Variants in GRAP2 observed in about 807,000 individuals in gnomAD.
GRAP2 encodes the protein GRB2 related adaptor protein 2, also known as GRB2-related adapter protein 2.
GRAP2 carries 31 observed loss-of-function variants against 43.5 expected under a neutral mutation model. The ratio of observed to expected loss-of-function variants is 0.71; its 90% CI spans 0.54 to 0.96. GRAP2 has a LOEUF of 0.96. Ranked by LOEUF, GRAP2 falls within the 40% of genes least tolerant of loss-of-function variation. The probability of loss-of-function intolerance (pLI) is 0.00; values close to 1 mark genes in which losing one functional copy is unlikely to be tolerated. For missense variants in GRAP2, 371 were observed against 424.4 expected (o/e 0.87, Z 1.11); for synonymous variants, 156 against 164.8 (o/e 0.95, Z 0.41).
intron 1 of GRAP2, among the ~76,000 whole-genome samples, chr22:39,920,913 C>CA (rs1207294155): frequency 3.4e-5 from 5 of 148,754 alleles, no homozygotes; most frequent in African/African-American, 1.2e-4. Flanking sequence ...ATAAAGAATA[C>CA]AAAAAATGGG....
Position 39,906,162 on chromosome 22 carries a change from G to T in GRAP2, c.-15+4832G>T, listed in dbSNP as rs376772460. ...ACCTCAGAGCCTCGGGGTGGAAGAT[G>T]ATATTTTGATATAATCAGGAGGGAG... On this transcript the variant is annotated intron_variant, in intron 1 of 7. Coordinates refer to ENST00000344138, the MANE Select transcript of GRAP2 (RefSeq NM_004810.4). 2.6e-5 allele frequency among the ~76,000 whole-genome samples: 4 copies of T among 152,230 alleles called. No homozygotes were observed. The East Asian group carries it at 7.7e-4, about 29-fold the overall frequency.
At chr22:39,921,590 A>G (rs2066652900) in intron 1 of GRAP2, among the ~76,000 whole-genome samples, 1 of 152,166 alleles carries the variant, frequency 6.6e-6, no homozygotes, top group African/African-American at 2.4e-5. Flanking sequence ...TTTATTAAAA[A>G]CCATTATTAA....
upstream of GRAP2, among the ~76,000 whole-genome samples, chr22:39,899,000 G>A (rs1445387194): frequency 6.6e-6 from 1 of 152,120 alleles, no homozygotes; most frequent in Non-Finnish European, 1.5e-5. Context: ...ATTTTTCTGA[G>A]TATCTCATGA....
chr22:39,964,515 C>T (rs905911614), intron 4 of GRAP2: 117 of 971,252 alleles, frequency 1.2e-4, no homozygotes, highest in Middle Eastern at 3.1e-4. Context: ...AAGCGAAGGT[C>T]GTGGGGAAGG....
intron 1 of GRAP2, among the ~76,000 whole-genome samples, chr22:39,923,485 A>G (rs1009253909): frequency 1.7e-4 from 26 of 152,214 alleles, no homozygotes; most frequent in Non-Finnish European, 7.3e-5. Flanking sequence ...CTAGCATAGT[A>G]TATATCTACG....
chr22:39,909,038 C>T (rs1205532314), intron 1 of GRAP2, among the ~76,000 whole-genome samples: 1 of 152,174 alleles, frequency 6.6e-6, no homozygotes, highest in Non-Finnish European at 1.5e-5. Context: ...ACCCACTATA[C>T]AAGAGACTTT....
At chr22:39,944,513 AT>A (rs1437035241) in intron 1 of GRAP2, among the ~76,000 whole-genome samples, 1 of 152,174 alleles carries the variant, frequency 6.6e-6, no homozygotes, top group Non-Finnish European at 1.5e-5. Flanking sequence ...TTTCAAAGCG[AT>A]TTTATAAAGA....
intron 2 of GRAP2, 151 bp from the exon 3 acceptor site, chr22:39,955,668 G>A (rs749931172): frequency 2.8e-5 from 15 of 531,158 alleles, no homozygotes; most frequent in Non-Finnish European, 4.5e-5. Flanking sequence ...ACAGGCCTGG[G>A]GTAAATCCTA....
At chr22:39,949,749 C>T (rs888397280) in intron 2 of GRAP2, among the ~76,000 whole-genome samples, 2 of 152,182 alleles carry the variant, frequency 1.3e-5, no homozygotes, top group Non-Finnish European at 2.9e-5. Context: ...GGTGATGACC[C>T]TGTCCCAACG....
intron 6 of GRAP2, among the ~76,000 whole-genome samples, chr22:39,969,133 A>G (rs1441770252): frequency 2.0e-5 from 3 of 152,216 alleles, no homozygotes; most frequent in African/African-American, 7.2e-5. Context: ...TTCTCTTTCC[A>G]GCTATATTTC....
At chr22:39,969,278 G>T (rs1569218947) in intron 6 of GRAP2, 133 bp from the exon 7 acceptor site, 1 of 1,019,088 alleles carries the variant, frequency 9.8e-7, no homozygotes, top group Non-Finnish European at 1.5e-6. Context: ...CAACGTGGAG[G>T]GTTTATTGTC....
chr22:39,946,747 CA>C, intron 1 of GRAP2: 1 of 231,932 alleles, frequency 4.3e-6, no homozygotes, highest in Non-Finnish European at 8.6e-6. Context: ...CCTCAAGTTA[CA>C]GATGATAGCA....
At chr22:39,909,060 G>T (rs1224698570) in intron 1 of GRAP2, among the ~76,000 whole-genome samples, 1 of 152,186 alleles carries the variant, frequency 6.6e-6, no homozygotes. Context: ...GAAGATTCAT[G>T]TGTGGCTACC....
chr22:39,898,560 C>T (rs951647825), upstream of GRAP2, among the ~76,000 whole-genome samples: 26 of 152,254 alleles, frequency 1.7e-4, no homozygotes, highest in South Asian at 4.2e-4. Flanking sequence ...TGCCTGTAAT[C>T]CCAGCACTTT....
At chr22:39,969,184 A>T (rs546044879) in intron 6 of GRAP2, among the ~76,000 whole-genome samples, 16 of 152,162 alleles carry the variant, frequency 1.1e-4, no homozygotes, top group Non-Finnish European at 2.1e-4. Flanking sequence ...TGCCTGATAA[A>T]TATTTCTTGA....
rs957911109 is a variant in GRAP2 at position 39,918,878 on chromosome 22, T to C, written c.-15+17548T>C. On this transcript the variant is annotated intron_variant, in intron 1 of 7. Coordinates refer to ENST00000344138, the MANE Select transcript of GRAP2 (RefSeq NM_004810.4). The stretch of plus-strand genomic sequence containing the variant: ...GGTTAAGACAAATAAAATTGTCCAA[T>C]TTATTTTTATGGCCATAGTTAAAAG... Among the ~76,000 whole-genome samples the C allele has an allele frequency of 9.8e-5, 15 of 152,362 alleles. No individual in the cohort carries two copies. In the South Asian group the frequency reaches 2.9e-3, roughly 29 times the overall value.
At chr22:39,904,744 A>T (rs929942825) in intron 1 of GRAP2, among the ~76,000 whole-genome samples, 16 of 152,130 alleles carry the variant, frequency 1.1e-4, no homozygotes, top group Admixed American at 3.9e-4. Context: ...ACCATTTTTT[A>T]AAAAAAGAAT....
At chr22:39,943,130 G>C (rs2066887034) in intron 1 of GRAP2, among the ~76,000 whole-genome samples, 1 of 152,196 alleles carries the variant, frequency 6.6e-6, no homozygotes, top group South Asian at 2.1e-4. Flanking sequence ...ATTTGATCAA[G>C]AAGTTTCTTG....
chr22:39,923,646 C>T (rs2066672764), intron 1 of GRAP2, among the ~76,000 whole-genome samples: 2 of 152,126 alleles, frequency 1.3e-5, no homozygotes, highest in South Asian at 2.1e-4. Context: ...GAATTTCCAT[C>T]TGAGTAAAAA....
Sources: allele counts gnomAD v4.1 joint callset (sites outside exome capture counted in the v4.1 genomes callset), GRCh38; gene constraint gnomAD v4.1.1; transcripts MANE v1.5; gene names NCBI Gene and HGNC (gene_info 2026-07-23, HGNC 2026-07-21).